The following AGAP1 variants were observed in gnomAD, a reference collection of about 807,000 sequenced individuals.
AGAP1 encodes ArfGAP with GTPase domain, ankyrin repeat and PH domain 1, also known as arf-GAP with GTPase, ANK repeat and PH domain-containing protein 1.
In AGAP1, 29 loss-of-function variants were observed where a neutral mutation model predicts 105.3. The ratio of observed to expected loss-of-function variants is 0.28; its 90% CI spans 0.21 to 0.38. The LOEUF (loss-of-function observed/expected upper bound fraction) is 0.38, where lower values mean the gene tolerates loss of function less well. AGAP1 is among the 10% of genes least tolerant of loss of function. AGAP1 has a pLI of 1.00. For synonymous variants in AGAP1, 509 were observed against 485.9 expected (o/e 1.05, Z -0.63); for missense variants, 998 against 1,165.1 (o/e 0.86, Z 2.09).
intron 1 of AGAP1, among the ~76,000 whole-genome samples, chr2:235,641,305 C>G (rs1030585362): frequency 1.3e-5 from 1 of 74,680 alleles, no homozygotes; most frequent in Admixed American, 1.4e-4. Context: ...CTTTCTTTCT[C>G]TCTCTCTTTC....
In AGAP1 at chr2:235,615,252, G is replaced by A. The variant is rs1946270466; in HGVS notation, c.164-93927G>A. ...CGGTTGGGTTGTCCAGGGTCACATG[G>A]TTGGGAGTCAGAACCAGACTTCAAA... On this transcript the variant is annotated intron_variant, in intron 1 of 17. Coordinates refer to ENST00000304032, the MANE Select transcript of AGAP1 (RefSeq NM_001037131.3). The surrounding 1 kb of genome is among the most constrained non-coding windows in gnomAD (Gnocchi z 5.0). Among the ~76,000 whole-genome samples the A allele has an allele frequency of 6.6e-6, 1 of 152,182 alleles. No homozygotes were observed. The highest frequency in any genetic ancestry group is 1.5e-5 in the Non-Finnish European group (1 of 68,034).
intron 13 of AGAP1, among the ~76,000 whole-genome samples, chr2:235,997,776 G>C (rs952934914): frequency 1.1e-4 from 16 of 152,094 alleles, no homozygotes; most frequent in African/African-American, 3.9e-4. Context: ...GGAAGGTTCT[G>C]GTCTGCCCTC....
intron 1 of AGAP1, among the ~76,000 whole-genome samples, chr2:235,619,900 A>G (rs1946421482): frequency 6.6e-6 from 1 of 151,964 alleles, no homozygotes; most frequent in African/African-American, 2.4e-5. Flanking sequence ...CAGCCAGACT[A>G]TATGCTGGGC....
At chr2:235,831,196 A>AAAAAC (rs949228365) in intron 9 of AGAP1, among the ~76,000 whole-genome samples, 2 of 151,474 alleles carry the variant, frequency 1.3e-5, no homozygotes, top group African/African-American at 4.9e-5. Flanking sequence ...AAAAAAAAAA[A>AAAAAC]AAAAAACAGT....
chr2:235,643,452 AAAAAAAAAG>A (rs1947268551), intron 1 of AGAP1, among the ~76,000 whole-genome samples: 1 of 150,960 alleles, frequency 6.6e-6, no homozygotes, highest in African/African-American at 2.4e-5. Flanking sequence ...AAAAAAAAAA[AAAAAAAAAG>A]AAAGAAAGTT....
At position 235,750,249 on chromosome 2, in the gene AGAP1, C is replaced by G. The variant is rs1199480849; in HGVS notation, c.539-105C>G. The G allele has an allele frequency of 9.4e-6, 14 of 1,490,680 alleles. No homozygotes were observed. In the East Asian group the frequency reaches 3.0e-4, roughly 32 times the overall value. The allele number at this position is 1,490,680 out of a possible 1,614,324, so 92.3% of individuals were successfully genotyped here. A position where few individuals can be genotyped will look rare whatever the true frequency, so the allele number is the denominator to read the frequency against. On this transcript the variant is annotated intron_variant, in intron 5 of 17. Transcript: ENST00000304032. This position sits in a 1 kb window ranked among gnomAD's most constrained non-coding sequence, Gnocchi z 5.3. ...CAATTCCAGATTCATAAACTAATTA[C>G]ATTTCTGCTGAGTAAGGTACTGGTT... is the stretch of plus-strand genomic sequence containing the variant.
chr2:236,020,172 C>G lies in AGAP1; in HGVS notation c.1646-16389C>G, dbSNP rs1439033511. On this transcript the variant is annotated intron_variant, in intron 13 of 17. Coordinates refer to ENST00000304032, the MANE Select transcript of AGAP1 (RefSeq NM_001037131.3). This position sits in a 1 kb window ranked among gnomAD's most constrained non-coding sequence, Gnocchi z 5.0. ...AACTGGGGTGATGACACCCACTGCA[C>G]AGGGTTGTGGGGAGGAGTCAGCAAG... 1.3e-5 allele frequency among the ~76,000 whole-genome samples: 2 copies of G among 152,298 alleles called. No homozygotes were observed. Among genetic ancestry groups the G allele is most frequent in the East Asian group, 3.9e-4 (2 of 5,168 alleles).
chr2:235,666,064 T>A (rs1209117525), intron 1 of AGAP1, among the ~76,000 whole-genome samples: 1 of 152,020 alleles, frequency 6.6e-6, no homozygotes, highest in African/African-American at 2.4e-5. Context: ...CTGCTGAGGG[T>A]GATGAATGGG....
intron 6 of AGAP1, chr2:235,773,983 C>CT (rs1323155441): frequency 2.1e-6 from 1 of 470,562 alleles, no homozygotes; most frequent in African/African-American, 2.0e-5. Context: ...TTTTCCCCCT[C>CT]TAAGATTTTT....
chr2:235,726,251 G>A (rs1951638802), intron 3 of AGAP1, among the ~76,000 whole-genome samples: 1 of 152,168 alleles, frequency 6.6e-6, no homozygotes, highest in African/African-American at 2.4e-5. Flanking sequence ...GGGAGTCACT[G>A]TCTCCTGAGG....
intron 1 of AGAP1, among the ~76,000 whole-genome samples, chr2:235,538,460 T>TGTGTGTGTGTGTGCGTGC (rs1553561884): frequency 2.0e-5 from 3 of 150,446 alleles, no homozygotes; most frequent in African/African-American, 7.5e-5. Flanking sequence ...TGTGTGTGTG[T>TGTGTGTGTGTGTGCGTGC]GCATGCTTGT....
At chr2:235,627,883 A>G (rs1946693218) in intron 1 of AGAP1, among the ~76,000 whole-genome samples, 1 of 152,202 alleles carries the variant, frequency 6.6e-6, no homozygotes, top group African/African-American at 2.4e-5. Context: ...CTAGAAAAAT[A>G]TGTCCTATAA....
intron 9 of AGAP1, among the ~76,000 whole-genome samples, chr2:235,851,121 A>G (rs2048427063): frequency 6.6e-6 from 1 of 152,238 alleles, no homozygotes; most frequent in Non-Finnish European, 1.5e-5. Context: ...GGCACAGCCC[A>G]GTGTTAGCCT....
chr2:235,670,178 A>G, intron 1 of AGAP1: 2 of 584,030 alleles, frequency 3.4e-6, no homozygotes, highest in Non-Finnish European at 6.2e-6. Context: ...CCCCAGAAAG[A>G]CTGTCTACCG....
chr2:235,827,785 A>G (rs1490685773), intron 9 of AGAP1, among the ~76,000 whole-genome samples: 1 of 152,220 alleles, frequency 6.6e-6, no homozygotes, highest in Non-Finnish European at 1.5e-5. Flanking sequence ...AGAATACTGG[A>G]GAAATGTAGG....
rs1952557443 is a variant in AGAP1, at chr2:235,741,121, C to T, written c.396+73C>T. ...CTAAGGTTTGATTCAAGAAGTGCTT[C>T]TAGAAATCGGTGACTTGGTTTCCAA... On this transcript the variant is annotated intron_variant, in intron 4 of 17. Transcript: ENST00000304032. The surrounding 1 kb of genome is among the most constrained non-coding windows in gnomAD (Gnocchi z 4.9). 3 of 1,313,274 alleles carry T rather than the reference C, an allele frequency of 2.3e-6. No individual in the cohort carries two copies. Among genetic ancestry groups the T allele is most frequent in the Non-Finnish European group, 3.1e-6 (3 of 980,302 alleles). 81.4% of individuals were successfully genotyped at this position (1,313,274 alleles called of 1,614,324 possible). A position where few individuals can be genotyped will look rare whatever the true frequency, so the allele number is the denominator to read the frequency against.
chr2:235,947,828 A>G (rs1282246036), intron 12 of AGAP1, among the ~76,000 whole-genome samples: 3 of 152,244 alleles, frequency 2.0e-5, no homozygotes, highest in Non-Finnish European at 2.9e-5. Flanking sequence ...TAAATGCTTT[A>G]TAGGTACTAT....
chr2:235,909,468 C>T (rs114219558), intron 11 of AGAP1, among the ~76,000 whole-genome samples: 3,054 of 152,178 alleles, frequency 0.02, 115 homozygotes, highest in African/African-American at 0.07. Context: ...TTTAGAAATT[C>T]CTGGCCTCTG....
chr2:235,890,162 C>CTTT (rs3059035), intron 10 of AGAP1, among the ~76,000 whole-genome samples: 41,618 of 132,062 alleles, frequency 0.32, 7,199 homozygotes, highest in East Asian at 0.55. Context: ...TAGTTATTCC[C>CTTT]TTTTTTTTTT....
Sources: allele counts gnomAD v4.1 joint callset (sites outside exome capture counted in the v4.1 genomes callset), GRCh38; gene constraint gnomAD v4.1.1; non-coding constraint Gnocchi (gnomAD v3.1); transcripts MANE v1.5; gene names NCBI Gene and HGNC (gene_info 2026-07-23, HGNC 2026-07-21).